NAV1: variants seen among roughly 807,000 people sequenced by gnomAD.
NAV1 encodes pore membrane and/or filament interacting like protein 3.
In NAV1, 18 loss-of-function variants were observed where a neutral mutation model predicts 175.2. That is an observed-to-expected ratio of 0.10 (90% confidence interval 0.07 to 0.15). NAV1 has a LOEUF of 0.15. NAV1 is among the 10% of genes least tolerant of loss of function. The probability of loss-of-function intolerance (pLI) is 1.00; values close to 1 mark genes in which losing one functional copy is unlikely to be tolerated. For synonymous variants in NAV1, 897 were observed against 978.7 expected (o/e 0.92, Z 1.56); for missense variants, 1,731 against 2,436.6 (o/e 0.71, Z 6.10).
rs773016968 is a variant in NAV1, at chr1:201,808,491, G to A, written c.3919G>A (p.Val1307Ile). The A allele has an allele frequency of 1.9e-6, 3 of 1,614,264 alleles. No homozygotes were observed. The highest frequency in any genetic ancestry group is 4.5e-5 in the East Asian group (2 of 44,890). ...GGAGGAGGAGCCAGAGAAGAAGGAG[G>A]TATCGGAGCTGCGCTCTGAGCTATG... is the stretch of plus-strand genomic sequence containing the variant. Residue 1307 changes from valine to isoleucine, a missense_variant, in exon 19 of 30, where the codon GTA becomes ATA. Around this residue, in one of 13 missense-constraint regions of NAV1, gnomAD observed 146 missense variants for 176.8 expected, o/e 0.83. Coordinates refer to ENST00000367296, the Ensembl canonical transcript of NAV1. The surrounding 1 kb of genome is among the most constrained non-coding windows in gnomAD (Gnocchi z 5.5).
intron 3 of NAV1, among the ~76,000 whole-genome samples, chr1:201,744,863 AAGAC>A (rs1168139480): frequency 3.3e-5 from 5 of 152,190 alleles, no homozygotes; most frequent in African/African-American, 1.2e-4. Flanking sequence ...CTTCATATCT[AAGAC>A]AGAATCCTCT....
chr1:201,768,149 A>AC (rs1675328427), intron 3 of NAV1, among the ~76,000 whole-genome samples: 1 of 151,906 alleles, frequency 6.6e-6, no homozygotes, highest in African/African-American at 2.4e-5. Flanking sequence ...ACATGGTGAA[A>AC]CCCCATCTCT....
intron 1 of NAV1, among the ~76,000 whole-genome samples, chr1:201,662,036 C>A (rs1463043177): frequency 6.6e-6 from 1 of 152,230 alleles, no homozygotes; most frequent in Admixed American, 6.5e-5. Flanking sequence ...GTCACACAGC[C>A]ACGAAGTGGA....
At chr1:201,550,225 G>T (rs1370460430) in intron 1 of NAV1, among the ~76,000 whole-genome samples, 1 of 151,942 alleles carries the variant, frequency 6.6e-6, no homozygotes, top group Non-Finnish European at 1.5e-5. Context: ...AGGCTGGAGT[G>T]CAGTGGCACC....
chr1:201,544,169 AG>A (rs1382640167), intron 1 of NAV1, among the ~76,000 whole-genome samples: 2 of 152,198 alleles, frequency 1.3e-5, no homozygotes, highest in Non-Finnish European at 2.9e-5. Context: ...CCATCCCCAG[AG>A]ATTCAGCTTC....
intron 2 of NAV1, among the ~76,000 whole-genome samples, chr1:201,613,089 G>T (rs1667903270): frequency 6.6e-6 from 1 of 152,104 alleles, no homozygotes; most frequent in African/African-American, 2.4e-5. Flanking sequence ...TCTGTCCGTG[G>T]CCTCTGGACT....
chr1:201,658,510 A>G (rs1463213102), intron 1 of NAV1, among the ~76,000 whole-genome samples: 1 of 152,148 alleles, frequency 6.6e-6, no homozygotes, highest in Admixed American at 6.6e-5. Flanking sequence ...CTGTGGGCTT[A>G]ATGGCAGGTA....
At chr1:201,755,811 T>C (rs1674417891) in intron 3 of NAV1, among the ~76,000 whole-genome samples, 1 of 151,984 alleles carries the variant, frequency 6.6e-6, no homozygotes, top group Admixed American at 6.6e-5. Flanking sequence ...AACACAGCTT[T>C]AAAAAAAGTT....
chr1:201,691,221 C>A (rs974436370), intron 1 of NAV1, among the ~76,000 whole-genome samples: 17 of 152,156 alleles, frequency 1.1e-4, no homozygotes, highest in African/African-American at 3.9e-4. Flanking sequence ...TCATGAAAGT[C>A]AAAAATGTCT....
chr1:201,736,856 G>A (rs904996193), intron 3 of NAV1, among the ~76,000 whole-genome samples: 1 of 151,988 alleles, frequency 6.6e-6, no homozygotes, highest in Non-Finnish European at 1.5e-5. Context: ...TTCTGGACAA[G>A]TGCCTGACTC....
intron 3 of NAV1, among the ~76,000 whole-genome samples, chr1:201,719,847 G>T (rs1672299051): frequency 6.6e-6 from 1 of 151,996 alleles, no homozygotes; most frequent in South Asian, 2.1e-4. Flanking sequence ...CAGACTTCAA[G>T]GGAGTGGAAA....
chr1:201,598,193 AG>A (rs1667411364), intron 2 of NAV1, among the ~76,000 whole-genome samples: 2 of 152,232 alleles, frequency 1.3e-5, no homozygotes, highest in Non-Finnish European at 2.9e-5. Flanking sequence ...CCTTCCTGGA[AG>A]GGATGACGTC....
chr1:201,539,470 C>T lies in NAV1; in HGVS notation c.-144+128C>T, dbSNP rs532053492. On this transcript the variant is annotated intron_variant, in intron 1 of 33. Transcript: ENST00000685211. This position sits in a 1 kb window ranked among gnomAD's most constrained non-coding sequence, Gnocchi z 5.6. ...GTCTCGGGGTAGGGGAGGTTGGTGC[C>T]CGAGGGAGGCTGTGGGCTGGGCTCG... Among the ~76,000 whole-genome samples, 1 of 152,164 alleles carries T rather than the reference C, an allele frequency of 6.6e-6. No individual in the cohort carries two copies. The highest frequency in any genetic ancestry group is 1.9e-4 in the East Asian group (1 of 5,154).
rs555821097 is a variant in NAV1, at chr1:201,780,442, C to T, written c.1248C>T (p.Ile416=). 3.1e-6 allele frequency: 5 copies of T among 1,614,202 alleles called. No individual in the cohort carries two copies. The East Asian group carries it at 1.1e-4, about 36-fold the overall frequency. The change falls in exon 4 of 30, where the codon ATC becomes ATT. Residue 416 remains isoleucine, a synonymous_variant. Transcript: ENST00000367296. ...GTAGCTGGGATGAAAGCAGCTCCAT[C>T]AGTAGTGGACTCAGCGATGCCTCAG...
At chr1:201,667,461 C>A (rs1188507638) in intron 1 of NAV1, among the ~76,000 whole-genome samples, 1 of 152,168 alleles carries the variant, frequency 6.6e-6, no homozygotes, top group African/African-American at 2.4e-5. Flanking sequence ...GATGAGGAAA[C>A]CGACATGCCC....
intron 2 of NAV1, among the ~76,000 whole-genome samples, chr1:201,609,114 CA>C (rs1395739341): frequency 2.0e-5 from 3 of 152,228 alleles, no homozygotes; most frequent in Non-Finnish European, 4.4e-5. Flanking sequence ...GAGTCCTGTC[CA>C]GTGTTCTGAC....
chr1:201,572,370 C>CTTTTTT (rs558471603), intron 1 of NAV1, among the ~76,000 whole-genome samples: 7 of 136,464 alleles, frequency 5.1e-5, no homozygotes, highest in African/African-American at 1.9e-4. Context: ...TTCTTTCTTT[C>CTTTTTT]TTTTTTTTTT....
At chr1:201,557,217 C>A (rs1666049040) in intron 1 of NAV1, among the ~76,000 whole-genome samples, 2 of 152,350 alleles carry the variant, frequency 1.3e-5, no homozygotes, top group South Asian at 4.1e-4. Flanking sequence ...GTACCTGAGG[C>A]AGGAGCCCAA....
At chr1:201,817,568 A>G (rs1379757621) in intron 29 of NAV1, among the ~76,000 whole-genome samples, 1 of 152,224 alleles carries the variant, frequency 6.6e-6, no homozygotes, top group African/African-American at 2.4e-5. Flanking sequence ...GACCAGGCTA[A>G]GGCCAGTGAG....
Sources: gnomAD v4.1 joint callset for allele counts (sites outside exome capture counted in the v4.1 genomes callset) on GRCh38, gnomAD v4.1.1 for gene constraint, gnomAD v4.1.1 regional missense constraint, Gnocchi (gnomAD v3.1) non-coding constraint, MANE v1.5 for transcripts, NCBI Gene and HGNC (gene_info 2026-07-23, HGNC 2026-07-21) for gene names.